Variants in ZP3 observed in about 807,000 individuals in gnomAD.
ZP3 encodes zona pellucida glycoprotein 3, also known as zona pellucida sperm-binding protein 3.
ZP3 carries 21 observed loss-of-function variants against 35.6 expected under a neutral mutation model. The observed-to-expected ratio is 0.59, with a 90% CI of 0.42 to 0.85. The LOEUF is 0.85. ZP3 is among the 40% of genes least tolerant of loss of function. The pLI is 0.00. For synonymous variants in ZP3, 207 were observed against 214.5 expected (o/e 0.96, Z 0.31); for missense variants, 437 against 536.5 (o/e 0.81, Z 1.83).
intron 1 of ZP3, among the ~76,000 whole-genome samples, chr7:76,417,940 CTTT>C (rs371645836): frequency 2.2e-4 from 27 of 121,196 alleles, no homozygotes; most frequent in Non-Finnish European, 2.9e-4. Flanking sequence ...TTCTTTCTTT[CTTT>C]TTTTTTTTTT....
intron 2 of ZP3, among the ~76,000 whole-genome samples, chr7:76,431,738 A>G (rs1454017414): frequency 6.6e-6 from 1 of 152,054 alleles, no homozygotes; most frequent in Admixed American, 6.6e-5. Flanking sequence ...TCTCTACTAA[A>G]AATACAAAAA....
chr7:76,438,451 G>A (rs1276183921), intron 5 of ZP3, among the ~76,000 whole-genome samples: 2 of 151,916 alleles, frequency 1.3e-5, no homozygotes, highest in Non-Finnish European at 2.9e-5. Context: ...CCATCTACTT[G>A]GGAGGCTGAG....
At chr7:76,418,579 G>A (rs1035329442) in intron 1 of ZP3, among the ~76,000 whole-genome samples, 5 of 122,900 alleles carry the variant, frequency 4.1e-5, no homozygotes, top group Non-Finnish European at 8.4e-5. Context: ...AAAAAAGGCT[G>A]GGCACAGTGG....
At chr7:76,407,368 G>T (rs1305347464) in intron 1 of ZP3, among the ~76,000 whole-genome samples, 1 of 150,496 alleles carries the variant, frequency 6.6e-6, no homozygotes, top group Non-Finnish European at 1.5e-5. Flanking sequence ...GTCTCGCCTT[G>T]TCGCCCAGGC....
chr7:76,436,027 C>CCCCG (rs1468441153), intron 5 of ZP3, among the ~76,000 whole-genome samples: 3 of 136,714 alleles, frequency 2.2e-5, no homozygotes, highest in African/African-American at 8.0e-5. Context: ...CGCCCCCCGC[C>CCCCG]CCCTTTTTTT....
At chr7:76,411,241 C>T (rs1486269564) in intron 1 of ZP3, among the ~76,000 whole-genome samples, 3 of 151,952 alleles carry the variant, frequency 2.0e-5, no homozygotes, top group Non-Finnish European at 2.9e-5. Context: ...TCAGATTTTT[C>T]GGTTCCTAAG....
At chr7:76,410,119 G>A (rs1017675325) in intron 1 of ZP3, among the ~76,000 whole-genome samples, 1 of 151,280 alleles carries the variant, frequency 6.6e-6, no homozygotes, top group East Asian at 1.9e-4. Context: ...TGCATCCTCC[G>A]CCTCCCAGGC....
chr7:76,412,962 C>CT (rs201143080), intron 1 of ZP3, among the ~76,000 whole-genome samples: 18,629 of 112,198 alleles, frequency 0.17, 2,212 homozygotes, highest in South Asian at 0.23. Context: ...TCTTCTTCTT[C>CT]TTCTTTTTTT....
intron 7 of ZP3, among the ~76,000 whole-genome samples, chr7:76,441,086 A>G (rs1361996138): frequency 3.3e-5 from 5 of 150,048 alleles, no homozygotes; most frequent in Non-Finnish European, 7.4e-5. Context: ...CAGGAGAATC[A>G]CTTGAATCTG....
At chr7:76,411,012 A>G (rs1805229286) in intron 1 of ZP3, among the ~76,000 whole-genome samples, 1 of 145,000 alleles carries the variant, frequency 6.9e-6, no homozygotes, top group African/African-American at 2.6e-5. Flanking sequence ...AAAAAAAAAA[A>G]AAAAAGAAAA....
chr7:76,440,629 C>G lies in ZP3; in HGVS notation c.1060+18C>G. The G allele has an allele frequency of 1.2e-6, 2 of 1,600,290 alleles. No homozygotes were observed. Among genetic ancestry groups the G allele is most frequent in the South Asian group, 2.2e-5 (2 of 89,676 alleles). On this transcript the variant is annotated intron_variant, in intron 7 of 7. Transcript: ENST00000394857. ...CAGGCATGGTATGTCACAGAATGGC[C>G]AAGAGGCTGTTCATTGTCCCTTACT... is the stretch of plus-strand genomic sequence containing the variant.
At chr7:76,412,737 TACTCGGGAGGCTG>T (rs1250822796) in intron 1 of ZP3, among the ~76,000 whole-genome samples, 3 of 151,698 alleles carry the variant, frequency 2.0e-5, no homozygotes, top group Non-Finnish European at 2.9e-5. Flanking sequence ...TAATCCCAGC[TACTCGGGAGGCTG>T]ACGCAGGAGA....
intron 2 of ZP3, among the ~76,000 whole-genome samples, chr7:76,430,283 G>A (rs1028559969): frequency 1.3e-5 from 2 of 152,146 alleles, no homozygotes. Context: ...ACTCTTCTGT[G>A]GTCCTCAAGC....
At chr7:76,437,984 T>G (rs1806075269) in intron 5 of ZP3, among the ~76,000 whole-genome samples, 1 of 152,224 alleles carries the variant, frequency 6.6e-6, no homozygotes, top group Non-Finnish European at 1.5e-5. Context: ...GCTGGACAAC[T>G]GCTAAACTGG....
At chr7:76,397,536 C>T in exon 1 of ZP3, 1 of 1,577,928 alleles carries the variant, frequency 6.3e-7, no homozygotes, top group Non-Finnish European at 8.6e-7. Context: ...AGCGCGCCCG[C>T]GTCCTCGTGG....
At chr7:76,436,948 CCCCCCTT>C (rs1385782552) in intron 5 of ZP3, among the ~76,000 whole-genome samples, 1 of 151,978 alleles carries the variant, frequency 6.6e-6, no homozygotes, top group Admixed American at 6.6e-5. Context: ...CCTTGGAGGG[CCCCCCTT>C]CAAAGGTAGG....
At chr7:76,399,460 T>C (rs1804743286) in intron 1 of ZP3, among the ~76,000 whole-genome samples, 1 of 152,148 alleles carries the variant, frequency 6.6e-6, no homozygotes, top group Admixed American at 6.6e-5. Context: ...TCTTGAAAAC[T>C]AGAAGCACTG....
intron 1 of ZP3, among the ~76,000 whole-genome samples, chr7:76,426,122 G>C (rs142644134): frequency 1.5e-3 from 227 of 152,152 alleles, no homozygotes; most frequent in African/African-American, 5.2e-3. Flanking sequence ...AGTGGTATGG[G>C]GGCGGGGGCA....
chr7:76,423,966 G>C (rs1328753366), upstream of ZP3, among the ~76,000 whole-genome samples: 1 of 151,944 alleles, frequency 6.6e-6, no homozygotes, highest in African/African-American at 2.4e-5. Flanking sequence ...AAGAACGCAG[G>C]GCCCCTTCTC....
Sources: allele counts gnomAD v4.1 joint callset (sites outside exome capture counted in the v4.1 genomes callset), GRCh38; gene constraint gnomAD v4.1.1; transcripts MANE v1.5; gene names NCBI Gene and HGNC (gene_info 2026-07-23, HGNC 2026-07-21).